The following MTHFSD variants were observed in gnomAD, a reference collection of about 807,000 sequenced individuals.
MTHFSD encodes the protein methenyltetrahydrofolate synthase domain-containing protein.
A neutral mutation model predicts 31.1 loss-of-function variants in MTHFSD; 37 were observed. That is an observed-to-expected ratio of 1.19 (90% confidence interval 0.91 to 1.56). The LOEUF (loss-of-function observed/expected upper bound fraction) is 1.56, where lower values mean the gene tolerates loss of function less well. Among genes scored for constraint, MTHFSD ranks in the 40% most tolerant of loss-of-function variants. The pLI is 0.00. For synonymous variants in MTHFSD, 221 were observed against 206.9 expected, an observed-to-expected ratio of 1.07 and a Z score of -0.59; for missense variants, 664 against 510.1, an observed-to-expected ratio of 1.30 and a Z score of -2.91.
intron 2 of MTHFSD, 47 bp from the exon 3 acceptor site, chr16:86,552,193 A>T (rs1973252331): frequency 1.2e-6 from 2 of 1,613,964 alleles, no homozygotes; most frequent in African/African-American, 1.3e-5. Flanking sequence ...AGGACGAAGA[A>T]GCGAGCACTT....
At chr16:86,550,696 C>T (rs904650963) in intron 3 of MTHFSD, among the ~76,000 whole-genome samples, 3 of 152,220 alleles carry the variant, frequency 2.0e-5, no homozygotes, top group Non-Finnish European at 4.4e-5. Flanking sequence ...TGCCGACTGC[C>T]GTCCTTCCTT....
chr16:86,551,749 G>T (rs1453820399), intron 3 of MTHFSD, among the ~76,000 whole-genome samples: 1 of 152,180 alleles, frequency 6.6e-6, no homozygotes, highest in Non-Finnish European at 1.5e-5. Flanking sequence ...TTCTGCCTGG[G>T]TTCCCTCTCC....
At position 86,532,170 on chromosome 16, in the gene MTHFSD, G is replaced by A. The variant is rs550859374; in HGVS notation, c.993C>T (p.Ser331=). 2.9e-5 allele frequency: 46 copies of A among 1,568,782 alleles called. No homozygotes were observed. In the Middle Eastern group the frequency reaches 2.4e-3, roughly 82 times the overall value. The change falls in exon 8 of 8, where the codon TCC becomes TCT. Residue 331 remains serine (S), a synonymous_variant. Coordinates refer to ENST00000360900, the MANE Select transcript of MTHFSD (RefSeq NM_001159377.2). ...DLKRALRELG[S]VPLRLTWQGP... is the part of the protein sequence containing the mutation. ...CCTGCCAGGTGAGCCGCAGGGGCAC[G>A]GAGCCGAGTTCCCGCAGGGCTCTCT...
intron 7 of MTHFSD, among the ~76,000 whole-genome samples, chr16:86,534,883 T>C (rs1478692040): frequency 2.6e-5 from 4 of 152,164 alleles, no homozygotes; most frequent in Non-Finnish European, 5.9e-5. Flanking sequence ...ACTGCTCTTC[T>C]GATGGGGTCC....
intron 7 of MTHFSD, among the ~76,000 whole-genome samples, chr16:86,537,707 A>T (rs577608766): frequency 6.6e-6 from 1 of 152,148 alleles, no homozygotes; most frequent in African/African-American, 2.4e-5. Context: ...CCTGTTCTCA[A>T]ATCCTTTTTC....
chr16:86,546,643 T>C lies in MTHFSD; in HGVS notation c.358A>G (p.Arg120Gly). The change falls in exon 5 of 8, where the codon AGG becomes GGG. Residue 120 changes from arginine (R) to glycine (G), a missense_variant. Coordinates refer to ENST00000360900, the MANE Select transcript of MTHFSD (RefSeq NM_001159377.2). ...LRKCATSQGVRNYSVPIGLDS... is the reference protein window; with the variant it reads ...LRKCATSQGVGNYSVPIGLDS... ...AAGCCTATGGGGACACTGTAGTTCC[T>C]CACACCCTGCACACAGAGATACGGA... is the stretch of plus-strand genomic sequence containing the variant. The C allele has an allele frequency of 1.2e-6, 2 of 1,613,244 alleles. No individual in the cohort carries two copies.
At position 86,546,650 on chromosome 16, in the gene MTHFSD, C is replaced by G. The variant is rs758058003; in HGVS notation, c.352-1G>C. ...TGGGGACACTGTAGTTCCTCACACC[C>G]TGCACACAGAGATACGGATTGGAAA... On this transcript the variant is annotated splice_acceptor_variant, in intron 4 of 7. Transcript: ENST00000360900. LOFTEE classifies it high-confidence loss of function. 4.3e-6 allele frequency: 7 copies of G among 1,612,592 alleles called. No homozygotes were observed. The highest frequency in any genetic ancestry group is 1.7e-5 in the Admixed American group (1 of 60,018).
chr16:86,543,915 C>G (rs1971895059), intron 5 of MTHFSD, among the ~76,000 whole-genome samples: 2 of 152,190 alleles, frequency 1.3e-5, no homozygotes, highest in Admixed American at 1.3e-4. Context: ...CACAGGCGTG[C>G]AAACCCTCGT....
At chr16:86,533,218 G>C (rs1165357339) in intron 7 of MTHFSD, 1 of 152,194 alleles carries the variant, frequency 6.6e-6, no homozygotes, top group Non-Finnish European at 1.5e-5. Flanking sequence ...TACGGCAGCG[G>C]GCCCCTTGGA....
intron 4 of MTHFSD, chr16:86,548,041 C>G (rs1287969426): frequency 1.6e-6 from 2 of 1,289,458 alleles, no homozygotes; most frequent in South Asian, 1.2e-5. Context: ...TCACTTAGAA[C>G]TGGTGAGGCA....
In MTHFSD at chr16:86,541,694, C is replaced by G; in HGVS notation, c.681+3G>C. The G allele has an allele frequency of 6.2e-7, 1 of 1,612,576 alleles. No homozygotes were observed. The highest frequency in any genetic ancestry group is 8.5e-7 in the Non-Finnish European group (1 of 1,179,374). On this transcript the variant is annotated splice_donor_region_variant and intron_variant, in intron 7 of 7. Coordinates refer to ENST00000360900, the MANE Select transcript of MTHFSD (RefSeq NM_001159377.2). Reference sequence around the variant, plus strand: ...GCCAGAGCTGGCCACTGCCGTGACCCACCTTGAACCAGGTGATTCCCATTG... The same window carrying G: ...GCCAGAGCTGGCCACTGCCGTGACCGACCTTGAACCAGGTGATTCCCATTG...
chr16:86,534,007 G>A (rs1025117573), intron 7 of MTHFSD, among the ~76,000 whole-genome samples: 3 of 152,172 alleles, frequency 2.0e-5, no homozygotes, highest in African/African-American at 2.4e-5. Flanking sequence ...GCACTGCCAC[G>A]TCAGAAGCCT....
At position 86,541,743 on chromosome 16, in the gene MTHFSD, G is replaced by A; in HGVS notation, c.635C>T (p.Ala212Val). ...DYILTPTRVI[A>V]TGCKRPKPMG... ...TGGCTTTGGGCGCTTGCAGCCTGTG[G>A]CGATGACTCTGGTTGGAGTGAGGAT... Residue 212 changes from alanine to valine, a missense_variant, in exon 7 of 8, where the codon GCC (alanine) becomes GTC (valine). Transcript: ENST00000360900. 1.2e-6 allele frequency: 2 copies of A among 1,614,102 alleles called. No individual in the cohort carries two copies. Among genetic ancestry groups the A allele is most frequent in the Non-Finnish European group, 1.7e-6 (2 of 1,180,012 alleles).
chr16:86,542,820 C>T lies in MTHFSD; in HGVS notation c.443-607G>A, dbSNP rs1430481566. Among the ~76,000 whole-genome samples, 7 of 152,228 alleles carry T rather than the reference C, an allele frequency of 4.6e-5. No individual in the cohort carries two copies. Among genetic ancestry groups the T allele is most frequent in the Admixed American group, 4.6e-4 (7 of 15,284 alleles). Reference sequence around the variant, plus strand: ...CTAAGATGAAATCGAGGTTTAACAGCCTCTCTAGCCAAATCAGCTATTCAG... The same window carrying T: ...CTAAGATGAAATCGAGGTTTAACAGTCTCTCTAGCCAAATCAGCTATTCAG... On this transcript the variant is annotated intron_variant, in intron 5 of 7. Coordinates refer to ENST00000360900, the MANE Select transcript of MTHFSD (RefSeq NM_001159377.2). The surrounding 1 kb of genome is among the most constrained non-coding windows in gnomAD (Gnocchi z 4.6).
intron 5 of MTHFSD, among the ~76,000 whole-genome samples, chr16:86,545,931 T>C (rs756852527): frequency 4.6e-5 from 7 of 152,200 alleles, no homozygotes; most frequent in Non-Finnish European, 7.3e-5. Flanking sequence ...TCAGCTCCAG[T>C]GGTGGCTGGG....
In MTHFSD at chr16:86,541,831, A is replaced by G; in HGVS notation, c.556-9T>C. On this transcript the variant is annotated splice_polypyrimidine_tract_variant and intron_variant, in intron 6 of 7. Transcript: ENST00000360900. ...TCAGGGATGTCCACGACCTGGGGGA[A>G]GAGAGGAGGGATAAAGGGGCTGCTG... 6.2e-7 allele frequency: 1 copy of G among 1,613,732 alleles called. No homozygotes were observed.
At chr16:86,554,494 C>T (rs991971122) in intron 2 of MTHFSD, 151 bp downstream of exon 2, 35 of 648,128 alleles carry the variant, frequency 5.4e-5, no homozygotes, top group Admixed American at 3.1e-4. Context: ...ATGCTAAGGA[C>T]GCCCTGGCCA....
rs746283810 is a variant in MTHFSD at position 86,541,758 on chromosome 16, G to A, written c.620C>T (p.Pro207Leu). The change falls in exon 7 of 8, where the codon CCA becomes CTA. Residue 207 changes from proline (P) to leucine (L), a missense_variant. By Grantham distance (98) the Pro-to-Leu change is moderately conservative. Coordinates refer to ENST00000360900, the MANE Select transcript of MTHFSD (RefSeq NM_001159377.2). ...HDITVDYILT[P>L]TRVIATGCKR... ...GCAGCCTGTGGCGATGACTCTGGTT[G>A]GAGTGAGGATGTAGTCCACAGTGAT... 1.9e-6 allele frequency: 3 copies of A among 1,614,066 alleles called. No homozygotes were observed. The Admixed American group carries it at 5.0e-5, about 27-fold the overall frequency.
chr16:86,555,190 T>A lies in MTHFSD; in HGVS notation c.-6A>T. The A allele has an allele frequency of 6.5e-7, 1 of 1,537,068 alleles. No homozygotes were observed. The highest frequency in any genetic ancestry group is 1.7e-4 in the Middle Eastern group (1 of 5,882). On this transcript the variant is annotated 5_prime_UTR_variant, in exon 1 of 8. Coordinates refer to ENST00000360900, the MANE Select transcript of MTHFSD (RefSeq NM_001159377.2). ...CCACCTGCCCTCGGCTCCATGGTGA[T>A]GCAGTCGCTGTGCGACGCTTCCCGG...
Sources: gnomAD v4.1 joint callset for allele counts (sites outside exome capture counted in the v4.1 genomes callset) on GRCh38, gnomAD v4.1.1 for gene constraint, Gnocchi (gnomAD v3.1) non-coding constraint, MANE v1.5 for transcripts, NCBI Gene and HGNC (gene_info 2026-07-23, HGNC 2026-07-21) for gene names.